The following UGT2A2 variants were observed in gnomAD, a reference collection of about 807,000 sequenced individuals.
The protein encoded by UGT2A2 is UDP glucuronosyltransferase family 2 member A2, also known as UDP-glucuronosyltransferase 2A2.
A neutral mutation model predicts 50.7 loss-of-function variants in UGT2A2; 60 were observed. The observed-to-expected ratio is 1.18, with a 90% CI of 0.96 to 1.47. The LOEUF is 1.47. UGT2A2 is among the 40% of genes most tolerant of loss of function. UGT2A2 has a pLI of 0.00. For missense variants in UGT2A2, 762 were observed against 634.0 expected, an observed-to-expected ratio of 1.20 and a Z score of -2.17; for synonymous variants, 242 against 214.6, an observed-to-expected ratio of 1.13 and a Z score of -1.11.
intron 1 of UGT2A2, among the ~76,000 whole-genome samples, chr4:69,637,081 C>T (rs1721754381): frequency 6.6e-6 from 1 of 151,980 alleles, no homozygotes; most frequent in Non-Finnish European, 1.5e-5. Context: ...TTTCAAATGT[C>T]TTGAGACATA....
intron 2 of UGT2A2, among the ~76,000 whole-genome samples, chr4:69,597,033 G>T (rs1718971625): frequency 6.6e-6 from 1 of 152,132 alleles, no homozygotes; most frequent in Admixed American, 6.5e-5. Context: ...AACAGTTTTT[G>T]GAGGGAAGCC....
chr4:69,617,180 G>A (rs373048015), intron 1 of UGT2A2, among the ~76,000 whole-genome samples: 5 of 151,874 alleles, frequency 3.3e-5, no homozygotes, highest in Admixed American at 6.6e-5. Flanking sequence ...AAACAAAAAT[G>A]TGCATCCTTT....
At position 69,589,732 on chromosome 4, in the gene UGT2A2, C is replaced by T; in HGVS notation, c.1332-81G>A. On this transcript the variant is annotated intron_variant, in intron 5 of 5. Transcript: ENST00000604629. ...AAGATAAATATGTGATACACTTTTG[C>T]TCTACAAGTTTAAGGCCATAGTTAC... 3 of 1,520,822 alleles carry T rather than the reference C, an allele frequency of 2.0e-6. No individual in the cohort carries two copies. In the East Asian group the frequency reaches 6.8e-5, roughly 35 times the overall value. The allele number at this position is 1,520,822 out of a possible 1,614,324, so 94.2% of individuals were successfully genotyped here. A position where few individuals can be genotyped will look rare whatever the true frequency, so the allele number is the denominator to read the frequency against.
Position 69,589,137 on chromosome 4 carries a change from A to T in UGT2A2, c.*235T>A. 2.6e-6 allele frequency: 1 copy of T among 378,744 alleles called. No individual in the cohort carries two copies. Among genetic ancestry groups the T allele is most frequent in the Non-Finnish European group, 4.5e-6 (1 of 222,006 alleles). 23.5% of individuals were successfully genotyped at this position (378,744 alleles called of 1,614,324 possible). ...GTCAGAAAAGTGACAGGAAGAGGGT[A>T]TAGTCAGCAGGGAGAGACAAAGGAA... is the stretch of plus-strand genomic sequence containing the variant. On this transcript the variant is annotated 3_prime_UTR_variant, in exon 6 of 6. Coordinates refer to ENST00000604629, the MANE Select transcript of UGT2A2 (RefSeq NM_001105677.2).
chr4:69,607,736 A>C (rs1267244480), intron 1 of UGT2A2, among the ~76,000 whole-genome samples: 1 of 152,216 alleles, frequency 6.6e-6, no homozygotes, highest in Non-Finnish European at 1.5e-5. Context: ...ACAAACAAAC[A>C]AACCCATCAA....
At chr4:69,633,812 G>A (rs1721518344) in intron 1 of UGT2A2, among the ~76,000 whole-genome samples, 1 of 152,144 alleles carries the variant, frequency 6.6e-6, no homozygotes, top group African/African-American at 2.4e-5. Context: ...GGACTGATAA[G>A]CGGATGAAAG....
chr4:69,596,453 A>G lies in UGT2A2; in HGVS notation c.892-72T>C. ...AAAAAATAAGTTTACTTACACATTT[A>G]AGTAGGTAAAATTAAGATATATGTC... On this transcript the variant is annotated intron_variant, in intron 2 of 5. Transcript: ENST00000604629. The G allele has an allele frequency of 2.9e-6, 4 of 1,401,862 alleles. No individual in the cohort carries two copies. In the South Asian group the frequency reaches 5.5e-5, roughly 19 times the overall value. 86.8% of individuals were successfully genotyped at this position (1,401,862 alleles called of 1,614,324 possible).
intron 1 of UGT2A2, among the ~76,000 whole-genome samples, chr4:69,613,967 T>C (rs2109922661): frequency 6.6e-6 from 1 of 152,110 alleles, no homozygotes; most frequent in African/African-American, 2.4e-5. Flanking sequence ...ATAGTAGTAG[T>C]CCTAGCCAGA....
At chr4:69,606,410 A>T (rs1486610753) in intron 1 of UGT2A2, among the ~76,000 whole-genome samples, 4 of 136,746 alleles carry the variant, frequency 2.9e-5, no homozygotes, top group Non-Finnish European at 6.2e-5. Flanking sequence ...TTAGGTATTG[A>T]TGGGATGTAT....
rs1721919730 is a variant in UGT2A2, at chr4:69,639,366, A to G, written c.275T>C (p.Ile92Thr). The change falls in exon 1 of 6, where the codon ATA becomes ACA. Residue 92 changes from isoleucine to threonine, a missense_variant. Coordinates refer to ENST00000604629, the MANE Select transcript of UGT2A2 (RefSeq NM_001105677.2). ...TATCATATGCTCAATTAAGGAATCT[A>G]TATTGCTCTTCTTGTAGGAAACAGG... ...VIPVSYKKSN[I>T]DSLIEHMIML... 6.2e-7 allele frequency: 1 copy of G among 1,613,686 alleles called. No individual in the cohort carries two copies. Among genetic ancestry groups the G allele is most frequent in the Non-Finnish European group, 8.5e-7 (1 of 1,179,742 alleles).
chr4:69,627,475 G>T (rs1577987013), intron 1 of UGT2A2, among the ~76,000 whole-genome samples: 2 of 63,624 alleles, frequency 3.1e-5, no homozygotes, highest in Non-Finnish European at 6.6e-5. Flanking sequence ...CAGGCAGGCA[G>T]GCAGGCAGGC....
chr4:69,627,195 C>T (rs1721109326), intron 1 of UGT2A2, among the ~76,000 whole-genome samples: 2 of 151,590 alleles, frequency 1.3e-5, no homozygotes, highest in Admixed American at 6.6e-5. Flanking sequence ...TCCTTTGCCA[C>T]AATAACACAA....
chr4:69,601,770 T>C lies in UGT2A2; in HGVS notation c.743-2376A>G, dbSNP rs1350711725. Among the ~76,000 whole-genome samples, 20 of 86,800 alleles carry C rather than the reference T, an allele frequency of 2.3e-4. 5 individuals are homozygous for C. The highest frequency in any genetic ancestry group is 4.1e-4 in the Non-Finnish European group (18 of 43,514). The allele number at this position is 86,800 out of a possible 152,430, so 56.9% of individuals were successfully genotyped here. A position where few individuals can be genotyped will look rare whatever the true frequency, so the allele number is the denominator to read the frequency against. On this transcript the variant is annotated intron_variant, in intron 1 of 5. Transcript: ENST00000604629. ...CACTGATGGGAGACTAGAGGACAGG[T>C]CATATCACTGGATCCCTTGCAGACA...
rs527631910 is a variant in UGT2A2, at chr4:69,598,400, T to A, written c.891+846A>T. 7.9e-5 allele frequency among the ~76,000 whole-genome samples: 12 copies of A among 152,274 alleles called. No individual in the cohort carries two copies. In the East Asian group the frequency reaches 2.3e-3, roughly 29 times the overall value. ...GTGTACCTGTACTCTATTTTGCTTC[T>A]CAACACTTTTTCTGTATAACATTTC... On this transcript the variant is annotated intron_variant, in intron 2 of 5. Transcript: ENST00000604629.
At chr4:69,605,488 A>C (rs1719553377) in intron 1 of UGT2A2, among the ~76,000 whole-genome samples, 1 of 136,702 alleles carries the variant, frequency 7.3e-6, no homozygotes, top group Admixed American at 7.2e-5. Context: ...TAAAATTGAC[A>C]CCCCAACATC....
intron 1 of UGT2A2, among the ~76,000 whole-genome samples, chr4:69,622,786 A>G (rs1489078296): frequency 6.6e-6 from 1 of 151,750 alleles, no homozygotes; most frequent in Non-Finnish European, 1.5e-5. Context: ...GTCAACAGGA[A>G]TATAGACGTT....
chr4:69,603,692 C>T lies in UGT2A2; in HGVS notation c.743-4298G>A. The T allele has an allele frequency of 1.5e-5, 2 of 135,944 alleles. 1 individual carries two copies. The highest frequency in any genetic ancestry group is 3.1e-5 in the Non-Finnish European group (2 of 64,166). 8.4% of individuals were successfully genotyped at this position (135,944 alleles called of 1,614,324 possible). ...GAAAAAAAATTAGACGAATGGCTAA[C>T]TAGAATCACCAATGAAGAAAAGCCC... On this transcript the variant is annotated intron_variant, in intron 1 of 5. Transcript: ENST00000604629.
rs892798438 is a variant in UGT2A2 at position 69,612,273 on chromosome 4, T to C, written c.743-12879A>G. ...AATTATTCCATATACTATCGTGAGT[T>C]GGAAGATAGCTCATGAGTTGGAAAA... On this transcript the variant is annotated intron_variant, in intron 1 of 5. Transcript: ENST00000604629. Among the ~76,000 whole-genome samples, 3 of 152,036 alleles carry C rather than the reference T, an allele frequency of 2.0e-5. No individual in the cohort carries two copies. In the East Asian group the frequency reaches 5.8e-4, roughly 29 times the overall value.
rs1718388495 is a variant in UGT2A2 at position 69,588,604 on chromosome 4, A to T, written c.*768T>A. On this transcript the variant is annotated 3_prime_UTR_variant, in exon 6 of 6. Transcript: ENST00000604629. ...TATTTTCTAGATTTCTAATTGTTAT[A>T]TCCTCTAAATATGATCTGTTCACCT... 1 of 152,144 alleles carries T rather than the reference A, an allele frequency of 6.6e-6. No homozygotes were observed. The highest frequency in any genetic ancestry group is 2.4e-5 in the African/African-American group (1 of 41,446). The allele number at this position is 152,144 out of a possible 1,614,324, so 9.4% of individuals were successfully genotyped here.
Sources: gnomAD v4.1 joint callset for allele counts (sites outside exome capture counted in the v4.1 genomes callset) on GRCh38, gnomAD v4.1.1 for gene constraint, MANE v1.5 for transcripts, NCBI Gene and HGNC (gene_info 2026-07-23, HGNC 2026-07-21) for gene names.